CEP295NL: variants seen among roughly 807,000 people sequenced by gnomAD.
CEP295NL encodes protein DDC8 homolog.
Under a neutral mutation model 4.6 loss-of-function variants are expected in CEP295NL, and 3 were observed. That is an observed-to-expected ratio of 0.65 (90% confidence interval 0.30 to 1.69). CEP295NL has a LOEUF of 1.69. CEP295NL is among the 40% of genes most tolerant of loss of function. CEP295NL has a pLI of 0.10. For synonymous variants in CEP295NL, 295 were observed against 312.2 expected, an observed-to-expected ratio of 0.94 and a Z score of 0.58; for missense variants, 719 against 769.0, an observed-to-expected ratio of 0.93 and a Z score of 0.77.
rs2069881226 is a variant in CEP295NL at position 78,890,923 on chromosome 17, A to G, written c.1581T>C (p.Asp527=). The G allele has an allele frequency of 1.9e-6, 3 of 1,550,684 alleles. No homozygotes were observed. The East Asian group carries it at 7.3e-5, about 38-fold the overall frequency. Reference sequence around the variant, plus strand: ...CTTTGTAGTGGATTTCCAAGCTCATATCTGGGTGTTCCATTTGTTCAAGCG... The same window carrying G: ...CTTTGTAGTGGATTTCCAAGCTCATGTCTGGGTGTTCCATTTGTTCAAGCG... The part of the protein sequence containing the change: ...LESLEQMEHP[D]MSLEIHYKAE... The change falls in exon 3 of 3, where the codon GAT becomes GAC. Residue 527 remains aspartate (D), a synonymous_variant. Coordinates refer to ENST00000322630, the MANE Select transcript of CEP295NL (RefSeq NM_001243540.2).
intron 1 of CEP295NL, among the ~76,000 whole-genome samples, 165 bp from the exon 2 acceptor site, chr17:78,902,091 T>C (rs4789862): frequency 0.57 from 86,067 of 151,740 alleles, 25,084 homozygotes; most frequent in African/African-American, 0.71. Flanking sequence ...GTCCCAGTGG[T>C]GGCGGGGGGA....
At chr17:78,902,948 C>T (rs1315293658) in intron 1 of CEP295NL, among the ~76,000 whole-genome samples, 186 bp downstream of exon 1, 1 of 152,222 alleles carries the variant, frequency 6.6e-6, no homozygotes, top group African/African-American at 2.4e-5. Context: ...TGGGGAGCCC[C>T]GTGGTGCAGG....
At chr17:78,897,154 G>T in intron 2 of CEP295NL, 1 of 231,774 alleles carries the variant, frequency 4.3e-6, no homozygotes, top group Non-Finnish European at 7.1e-6. Flanking sequence ...GGCCTGCTGT[G>T]CACTCCTGTG....
chr17:78,901,988 C>G (rs552230649), intron 1 of CEP295NL, 62 bp from the exon 2 acceptor site: 1 of 589,846 alleles, frequency 1.7e-6, no homozygotes, highest in African/African-American at 1.9e-5. Context: ...AACTCCGTTT[C>G]TCTGAGTTCT....
Position 78,894,667 on chromosome 17 carries a change from T to G in CEP295NL, c.45-2208A>C, listed in dbSNP as rs376136199. On this transcript the variant is annotated intron_variant, in intron 2 of 2. Coordinates refer to ENST00000322630, the MANE Select transcript of CEP295NL (RefSeq NM_001243540.2). ...TATACAAAAATTAACTCACAATGGA[T>G]CATAGACCTTCATCTACAACTATAA... Among the ~76,000 whole-genome samples the G allele has an allele frequency of 1.2e-4, 18 of 152,210 alleles. No individual in the cohort carries two copies. In the South Asian group the frequency reaches 3.7e-3, roughly 32 times the overall value.
intron 2 of CEP295NL, among the ~76,000 whole-genome samples, chr17:78,893,343 G>A: frequency 6.7e-6 from 1 of 148,276 alleles, no homozygotes; most frequent in Admixed American, 6.7e-5. Context: ...ATGCATGTGT[G>A]TGCAGGGGTG....
At chr17:78,893,169 G>A (rs1344809499) in intron 2 of CEP295NL, among the ~76,000 whole-genome samples, 1 of 149,376 alleles carries the variant, frequency 6.7e-6, no homozygotes, top group African/African-American at 2.5e-5. Flanking sequence ...GGGTGTGTGT[G>A]CATACATGTG....
At chr17:78,895,393 C>G (rs1345857275) in intron 2 of CEP295NL, among the ~76,000 whole-genome samples, 1 of 152,216 alleles carries the variant, frequency 6.6e-6, no homozygotes, top group Non-Finnish European at 1.5e-5. Flanking sequence ...CGGCAGCGGT[C>G]TTTAGAGAAA....
chr17:78,902,826 GCA>G (rs2070116172), intron 1 of CEP295NL: 1 of 152,356 alleles, frequency 6.6e-6, no homozygotes, highest in Admixed American at 6.5e-5. Flanking sequence ...CCCAATCCCA[GCA>G]GGTGTTCCTG....
At chr17:78,893,136 T>G (rs1290462742) in intron 2 of CEP295NL, among the ~76,000 whole-genome samples, 1 of 147,892 alleles carries the variant, frequency 6.8e-6, no homozygotes, top group Non-Finnish European at 1.5e-5. Context: ...TGCAGGGGTG[T>G]GTGTGCGTAC....
rs1431124980 is a variant in CEP295NL at position 78,892,479 on chromosome 17, A to G, written c.45-20T>C. 4 of 1,535,280 alleles carry G rather than the reference A, an allele frequency of 2.6e-6. No homozygotes were observed. The East Asian group carries it at 9.8e-5, about 38-fold the overall frequency. On this transcript the variant is annotated intron_variant, in intron 2 of 2. Coordinates refer to ENST00000322630, the MANE Select transcript of CEP295NL (RefSeq NM_001243540.2). ...GCAAACCTACGAGGAAGGGAGCACAAGTGCAGCTTTCCAGATCGCTCCCAG... is the reference window on the plus strand; with the variant it reads ...GCAAACCTACGAGGAAGGGAGCACAGGTGCAGCTTTCCAGATCGCTCCCAG...
rs1341360287 is a variant in CEP295NL, at chr17:78,901,824, CA to C, written c.4del (p.Cys2ValfsTer64). On this transcript the variant is annotated frameshift_variant, in exon 2 of 3. Coordinates refer to ENST00000322630, the MANE Select transcript of CEP295NL (RefSeq NM_001243540.2). LOFTEE classifies it low-confidence loss of function (END_TRUNC). The part of the protein sequence containing the change: M[C>X]SGWSSSVIWR... ...GATGACTGAGCTAGACCACCCAGAA[CA>C]CATTACAGGGAGGCAGAAGCTGACA... The C allele has an allele frequency of 1.4e-6, 1 of 715,148 alleles. No homozygotes were observed. The highest frequency in any genetic ancestry group is 2.7e-5 in the East Asian group (1 of 37,220). 44.3% of individuals were successfully genotyped at this position (715,148 alleles called of 1,614,324 possible).
chr17:78,898,236 A>G (rs897665465), intron 2 of CEP295NL: 3 of 152,104 alleles, frequency 2.0e-5, no homozygotes, highest in African/African-American at 7.2e-5. Context: ...GCCTATTCCT[A>G]TCCGCACAAT....
Position 78,891,127 on chromosome 17 carries a change from G to T in CEP295NL, c.1377C>A (p.Asn459Lys). The T allele has an allele frequency of 6.4e-7, 1 of 1,550,720 alleles. No homozygotes were observed. The highest frequency in any genetic ancestry group is 8.7e-7 in the Non-Finnish European group (1 of 1,147,030). The change falls in exon 3 of 3, where the codon AAC becomes AAA. Residue 459 changes from asparagine to lysine, a missense_variant. Asn to Lys is a moderately conservative substitution (Grantham distance 94, BLOSUM62 0). Transcript: ENST00000322630. The surrounding 1 kb of genome is among the most constrained non-coding windows in gnomAD (Gnocchi z 4.5). ...TGCTATACAATAATGAGTCCTCTTT[G>T]TTGATAAATATACCTGCCTCGGGAG... ...TLSPEAGIFINKEDSLLYSTE... is the reference protein window; with the variant it reads ...TLSPEAGIFIKKEDSLLYSTE...
chr17:78,891,704 T>G lies in CEP295NL; in HGVS notation c.800A>C (p.Glu267Ala). 6.4e-7 allele frequency: 1 copy of G among 1,551,094 alleles called. No homozygotes were observed. Among genetic ancestry groups the G allele is most frequent in the Non-Finnish European group, 8.7e-7 (1 of 1,147,094 alleles). ...VAAVGEIGLV[E>A]EKEKGTARAG... ...CCGAGCTGTTCCTTTCTCTTTTTCC[T>G]CCACAAGCCCGATTTCTCCCACAGC... The change falls in exon 3 of 3, where the codon GAG becomes GCG. Residue 267 changes from glutamate (E) to alanine (A), a missense_variant. Physicochemically the swap from Glu to Ala is moderately radical, Grantham distance 107. Coordinates refer to ENST00000322630, the MANE Select transcript of CEP295NL (RefSeq NM_001243540.2). This position sits in a 1 kb window ranked among gnomAD's most constrained non-coding sequence, Gnocchi z 4.5.
intron 2 of CEP295NL, among the ~76,000 whole-genome samples, chr17:78,894,021 G>C (rs941639114): frequency 6.6e-6 from 1 of 152,154 alleles, no homozygotes; most frequent in Non-Finnish European, 1.5e-5. Context: ...GTGGAACCAG[G>C]CTAAGCCTTT....
chr17:78,895,787 C>G (rs2069989609), intron 2 of CEP295NL, among the ~76,000 whole-genome samples: 1 of 152,150 alleles, frequency 6.6e-6, no homozygotes, highest in South Asian at 2.1e-4. Flanking sequence ...GAGGTCGGGG[C>G]TGCTGTGAAT....
chr17:78,897,089 G>A (rs1049626099), intron 2 of CEP295NL: 73 of 728,084 alleles, frequency 1.0e-4, no homozygotes, highest in Non-Finnish European at 1.2e-4. Context: ...AGGGCCCACA[G>A]ACAGCACCCC....
Position 78,891,003 on chromosome 17 carries a change from A to T in CEP295NL, c.1501T>A (p.Ser501Thr). ...ATCTCTGCTTTCTGCCTTTGCCTGG[A>T]TGCCGTCGAGCCCACTCTGTCTGCC... ...DQADRVGSTA[S>T]RQRQKAEMEQ... The change falls in exon 3 of 3, where the codon TCC (serine) becomes ACC (threonine). Residue 501 changes from serine (S) to threonine (T), a missense_variant. Physicochemically the swap from Ser to Thr is moderately conservative, Grantham distance 58 (BLOSUM62 1). Transcript: ENST00000322630. This position sits in a 1 kb window ranked among gnomAD's most constrained non-coding sequence, Gnocchi z 4.5. 1 of 1,551,026 alleles carries T rather than the reference A, an allele frequency of 6.4e-7. No individual in the cohort carries two copies. Among genetic ancestry groups the T allele is most frequent in the Non-Finnish European group, 8.7e-7 (1 of 1,147,118 alleles).
Sources: allele counts gnomAD v4.1 joint callset (sites outside exome capture counted in the v4.1 genomes callset), GRCh38; gene constraint gnomAD v4.1.1; non-coding constraint Gnocchi (gnomAD v3.1); transcripts MANE v1.5; gene names NCBI Gene and HGNC (gene_info 2026-07-23, HGNC 2026-07-21).